ANTXR2: variants seen among roughly 807,000 people sequenced by gnomAD.
ANTXR2 encodes anthrax toxin receptor 2.
A neutral mutation model predicts 73.7 loss-of-function variants in ANTXR2; 44 were observed. That is an observed-to-expected ratio of 0.60 (90% confidence interval 0.47 to 0.77). The LOEUF (loss-of-function observed/expected upper bound fraction) is 0.77, where lower values mean the gene tolerates loss of function less well. Ranked by LOEUF, ANTXR2 falls within the 30% of genes least tolerant of loss-of-function variation. ANTXR2 has a pLI of 0.00. For synonymous variants in ANTXR2, 217 were observed against 205.9 expected, an observed-to-expected ratio of 1.05 and a Z score of -0.46; for missense variants, 604 against 592.5, an observed-to-expected ratio of 1.02 and a Z score of -0.20.
intron 10 of ANTXR2, among the ~76,000 whole-genome samples, chr4:80,027,777 G>T (rs1315293162): frequency 1.3e-5 from 2 of 152,070 alleles, no homozygotes; most frequent in Non-Finnish European, 2.9e-5. Context: ...ACAGGTTTGA[G>T]ATCTCAACTA....
In ANTXR2 at chr4:80,072,463, G is replaced by A. The variant is rs756775841; in HGVS notation, c.98C>T (p.Ala33Val). 36 of 1,609,442 alleles carry A rather than the reference G, an allele frequency of 2.2e-5. No individual in the cohort carries two copies. The East Asian group carries it at 8.1e-4, about 36-fold the overall frequency. The change falls in exon 1 of 17, where the codon GCC becomes GTC. Residue 33 changes from alanine (A) to valine (V), a missense_variant. By Grantham distance (64) the Ala-to-Val change is moderately conservative. Coordinates refer to ENST00000403729, the MANE Select transcript of ANTXR2 (RefSeq NM_058172.6). Reference protein sequence around the residue: ...VLSGPGGLLRAQEQPSCRRAF... With the variant: ...VLSGPGGLLRVQEQPSCRRAF... Reference sequence around the variant, plus strand: ...TCTTCTGCAGGAGGGCTGCTCCTGGGCGCGCAGCAGCCCCCCGGGACCGCT... The same window carrying A: ...TCTTCTGCAGGAGGGCTGCTCCTGGACGCGCAGCAGCCCCCCGGGACCGCT...
At chr4:79,986,776 C>G (rs906112432) in intron 12 of ANTXR2, among the ~76,000 whole-genome samples, 2 of 152,064 alleles carry the variant, frequency 1.3e-5, no homozygotes, top group African/African-American at 4.8e-5. Context: ...CTGGGAACAC[C>G]CCAGTCCTTC....
chr4:80,016,054 A>AT (rs1365038737), intron 11 of ANTXR2, among the ~76,000 whole-genome samples: 1 of 152,126 alleles, frequency 6.6e-6, no homozygotes, highest in African/African-American at 2.4e-5. Flanking sequence ...ATCAAAGGAT[A>AT]TTTTAAAATT....
Position 79,960,277 on chromosome 4 carries a change from C to A in ANTXR2, c.1428+17344G>T, listed in dbSNP as rs547531697. Reference sequence around the variant, plus strand: ...TAGAAAACTCTAATATGATTCAAAACAAAAGTATGCTTAGTACTGGATATG... The same window carrying A: ...TAGAAAACTCTAATATGATTCAAAAAAAAAGTATGCTTAGTACTGGATATG... On this transcript the variant is annotated intron_variant, in intron 16 of 16. Transcript: ENST00000403729. Among the ~76,000 whole-genome samples, 12 of 152,160 alleles carry A rather than the reference C, an allele frequency of 7.9e-5. No homozygotes were observed. The South Asian group carries it at 2.1e-3, about 26-fold the overall frequency.
intron 16 of ANTXR2, among the ~76,000 whole-genome samples, chr4:79,973,526 C>A (rs760841378): frequency 6.6e-6 from 1 of 151,900 alleles, no homozygotes; most frequent in African/African-American, 2.4e-5. Context: ...CTCCTGGGTT[C>A]AAGTGGTTCT....
chr4:79,989,308 C>T (rs1017581483), intron 12 of ANTXR2, among the ~76,000 whole-genome samples: 1 of 151,750 alleles, frequency 6.6e-6, no homozygotes, highest in Admixed American at 6.6e-5. Flanking sequence ...ACAAAGGGGA[C>T]ATTAGAGATC....
intron 16 of ANTXR2, among the ~76,000 whole-genome samples, chr4:79,975,489 G>T (rs1394134908): frequency 6.6e-6 from 1 of 152,138 alleles, no homozygotes; most frequent in East Asian, 1.9e-4. Flanking sequence ...AATCATGACA[G>T]TTAAAAGAAA....
chr4:79,980,042 T>C (rs1729817631), intron 14 of ANTXR2, among the ~76,000 whole-genome samples: 1 of 152,160 alleles, frequency 6.6e-6, no homozygotes, highest in South Asian at 2.1e-4. Context: ...CTTTCAAGTT[T>C]CACTGGCACT....
At chr4:79,919,927 T>C (rs1727530152) in intron 16 of ANTXR2, among the ~76,000 whole-genome samples, 1 of 71,018 alleles carries the variant, frequency 1.4e-5, no homozygotes, top group Non-Finnish European at 2.8e-5. Context: ...ATATAAAAAA[T>C]GATAGGGCAG....
At chr4:80,046,117 C>A (rs1733503597) in intron 7 of ANTXR2, among the ~76,000 whole-genome samples, 1 of 151,742 alleles carries the variant, frequency 6.6e-6, no homozygotes, top group Non-Finnish European at 1.5e-5. Flanking sequence ...GAAGGTAAAT[C>A]ATACTCATTG....
chr4:80,037,975 G>T (rs187659665), intron 7 of ANTXR2, among the ~76,000 whole-genome samples: 1 of 152,012 alleles, frequency 6.6e-6, no homozygotes, highest in Non-Finnish European at 1.5e-5. Flanking sequence ...TCTTATTAAG[G>T]AGACTAATTG....
chr4:80,030,181 T>C (rs566521848), intron 10 of ANTXR2, among the ~76,000 whole-genome samples: 17 of 151,996 alleles, frequency 1.1e-4, no homozygotes, highest in Non-Finnish European at 2.1e-4. Context: ...GAGCTAAGAT[T>C]TGTTGATAGA....
At chr4:79,934,934 C>T (rs950216020) in intron 16 of ANTXR2, among the ~76,000 whole-genome samples, 1 of 151,470 alleles carries the variant, frequency 6.6e-6, no homozygotes. Flanking sequence ...CAGGAACTGA[C>T]TTTGGGCCTT....
intron 10 of ANTXR2, among the ~76,000 whole-genome samples, chr4:80,029,448 C>A (rs1024818392): frequency 6.6e-6 from 1 of 151,862 alleles, no homozygotes; most frequent in Admixed American, 6.6e-5. Flanking sequence ...TCTTTCAGAT[C>A]GTTATGTTAA....
chr4:79,937,366 AGGC>A (rs1728307504), intron 16 of ANTXR2, among the ~76,000 whole-genome samples: 1 of 152,240 alleles, frequency 6.6e-6, no homozygotes, highest in African/African-American at 2.4e-5. Flanking sequence ...ATAAATGTTT[AGGC>A]TAGTTTGGCT....
At chr4:80,047,489 CCTTT>C (rs1733572703) in intron 7 of ANTXR2, among the ~76,000 whole-genome samples, 1 of 151,570 alleles carries the variant, frequency 6.6e-6, no homozygotes, top group Admixed American at 6.6e-5. Flanking sequence ...GAATAGTGCT[CCTTT>C]CTATTTGGGA....
intron 12 of ANTXR2, among the ~76,000 whole-genome samples, chr4:80,002,097 A>G (rs894462945): frequency 5.9e-5 from 9 of 152,052 alleles, no homozygotes; most frequent in East Asian, 1.9e-4. Flanking sequence ...AGCCCGCATC[A>G]CCAAGTCAAT....
Position 79,977,702 on chromosome 4 carries a change from C to A in ANTXR2, c.1348-1G>T. 6.4e-7 allele frequency: 1 copy of A among 1,569,514 alleles called. No homozygotes were observed. The highest frequency in any genetic ancestry group is 2.3e-5 in the East Asian group (1 of 42,864). ...AAGCCCAGAGAGCATCAAGACGACC[C>A]TAAGGGAAAATGAGATTTGTGAATT... is the stretch of plus-strand genomic sequence containing the variant. On this transcript the variant is annotated splice_acceptor_variant, in intron 15 of 16. Coordinates refer to ENST00000403729, the MANE Select transcript of ANTXR2 (RefSeq NM_058172.6). LOFTEE classifies it high-confidence loss of function.
chr4:79,910,477 C>T lies in ANTXR2; in HGVS notation c.1429-3010G>A, dbSNP rs1727080623. On this transcript the variant is annotated intron_variant, in intron 16 of 16. Transcript: ENST00000403729. The stretch of plus-strand genomic sequence containing the variant: ...TGAACCAAGATCGCACCACTGCACT[C>T]CAGCCTAGTGACAGAGCGAGACTCC... Among the ~76,000 whole-genome samples, 5 of 139,320 alleles carry T rather than the reference C, an allele frequency of 3.6e-5. 1 individual carries two copies. In the South Asian group the frequency reaches 1.1e-3, roughly 31 times the overall value. The allele number at this position is 139,320 out of a possible 152,430, so 91.4% of individuals were successfully genotyped here. A position where few individuals can be genotyped will look rare whatever the true frequency, so the allele number is the denominator to read the frequency against.
Sources: allele counts gnomAD v4.1 joint callset (sites outside exome capture counted in the v4.1 genomes callset), GRCh38; gene constraint gnomAD v4.1.1; transcripts MANE v1.5; gene names NCBI Gene and HGNC (gene_info 2026-07-23, HGNC 2026-07-21).